Variants in ZFAND6 observed in about 807,000 individuals in gnomAD.
The protein encoded by ZFAND6 is AN1-type zinc finger protein 6.
In ZFAND6, 12 loss-of-function variants were observed where a neutral mutation model predicts 24.5. The observed-to-expected ratio is 0.49, with a 90% CI of 0.31 to 0.79. The LOEUF (loss-of-function observed/expected upper bound fraction) is 0.79. ZFAND6 is among the 30% of genes least tolerant of loss of function. The pLI, the probability that ZFAND6 is intolerant of heterozygous loss-of-function variation, is 0.04. For synonymous variants in ZFAND6, 92 were observed against 81.5 expected (o/e 1.13, Z -0.69); for missense variants, 207 against 245.9 (o/e 0.84, Z 1.06).
At chr15:80,059,286 T>C (rs2036197301), upstream of ZFAND6, among the ~76,000 whole-genome samples, 1 of 152,228 alleles carries the variant, frequency 6.6e-6, no homozygotes, top group Admixed American at 6.5e-5. Flanking sequence ...CGCCATTCCC[T>C]GCGAGGTGGC....
In ZFAND6 at chr15:80,122,706, A is replaced by T. The variant is rs112075519; in HGVS notation, c.270A>T (p.Val90=). The T allele has an allele frequency of 1.5e-5, 25 of 1,613,134 alleles. No individual in the cohort carries two copies. Among genetic ancestry groups the T allele is most frequent in the Non-Finnish European group, 1.8e-5 (21 of 1,179,460 alleles). Residue 90 remains valine, a synonymous_variant, in exon 5 of 7, where the codon GTA becomes GTT. Transcript: ENST00000261749. Reference sequence around the variant, plus strand: ...AAATATTTTGCTTTTCTAGCCCTGTATCAAATCAGTCACTTTTATCAGAAT... The same window carrying T: ...AAATATTTTGCTTTTCTAGCCCTGTTTCAAATCAGTCACTTTTATCAGAAT... ...STSSSMQPSP[V]SNQSLLSESV...
In ZFAND6 at chr15:80,087,572, A is replaced by T. The variant is rs1161820895; in HGVS notation, c.-180-10844A>T. On this transcript the variant is annotated intron_variant, in intron 1 of 6. Transcript: ENST00000261749. ...TTGTTTCATTCTCTCCTCTAGCTTCAGTTCCCTCTTCAATCACTTTTCTTC... is the reference window on the plus strand; with the variant it reads ...TTGTTTCATTCTCTCCTCTAGCTTCTGTTCCCTCTTCAATCACTTTTCTTC... Among the ~76,000 whole-genome samples, 3 of 152,110 alleles carry T rather than the reference A, an allele frequency of 2.0e-5. No individual in the cohort carries two copies. In the East Asian group the frequency reaches 5.8e-4, roughly 29 times the overall value.
intron 1 of ZFAND6, among the ~76,000 whole-genome samples, chr15:80,067,536 C>G (rs1596179117): frequency 6.6e-6 from 1 of 152,004 alleles, no homozygotes; most frequent in Non-Finnish European, 1.5e-5. Flanking sequence ...TCTATTTCTT[C>G]TTCCAGAACC....
intron 2 of ZFAND6, chr15:80,112,724 G>A (rs2039672177): frequency 2.2e-6 from 1 of 454,384 alleles, no homozygotes; most frequent in Admixed American, 2.4e-5. Flanking sequence ...CTGCAAAAAG[G>A]TTACTGCTGC....
intron 2 of ZFAND6, among the ~76,000 whole-genome samples, chr15:80,102,168 A>C (rs1053322522): frequency 1.3e-5 from 2 of 150,532 alleles, no homozygotes; most frequent in Admixed American, 6.7e-5. Context: ...TTTATTTTTG[A>C]GATGGAGTTT....
intron 2 of ZFAND6, among the ~76,000 whole-genome samples, chr15:80,111,276 C>T (rs1169814651): frequency 6.6e-6 from 1 of 152,088 alleles, no homozygotes; most frequent in Non-Finnish European, 1.5e-5. Flanking sequence ...GGGTGATGAA[C>T]ATATATCAGT....
intron 1 of ZFAND6, among the ~76,000 whole-genome samples, chr15:80,088,130 A>G (rs1433348840): frequency 6.6e-6 from 1 of 152,212 alleles, no homozygotes; most frequent in East Asian, 1.9e-4. Context: ...AATACCCTTT[A>G]TAGCTTTTTG....
intron 2 of ZFAND6, among the ~76,000 whole-genome samples, chr15:80,104,606 C>T (rs2039220309): frequency 6.6e-6 from 1 of 152,168 alleles, no homozygotes; most frequent in African/African-American, 2.4e-5. Flanking sequence ...TTGACCATAT[C>T]ATTTTGTGTT....
At chr15:80,120,764 C>G (rs2040111212) in intron 3 of ZFAND6, 1 of 218,736 alleles carries the variant, frequency 4.6e-6, no homozygotes, top group Non-Finnish European at 8.9e-6. Context: ...GGGGACACCT[C>G]AAGTGTCTTG....
intron 6 of ZFAND6, among the ~76,000 whole-genome samples, chr15:80,132,791 AAGAAG>A (rs1436794391): frequency 1.3e-5 from 2 of 152,210 alleles, no homozygotes; most frequent in Non-Finnish European, 2.9e-5. Flanking sequence ...TGCTCCCAAG[AAGAAG>A]AGAAAAGTCT....
chr15:80,084,637 A>G (rs1374249584), intron 1 of ZFAND6, among the ~76,000 whole-genome samples: 1 of 152,232 alleles, frequency 6.6e-6, no homozygotes, highest in Non-Finnish European at 1.5e-5. Context: ...AGTTTCCTTG[A>G]AAACAATACT....
At chr15:80,091,453 G>A (rs925271713) in intron 1 of ZFAND6, among the ~76,000 whole-genome samples, 5 of 152,014 alleles carry the variant, frequency 3.3e-5, no homozygotes, top group Admixed American at 6.6e-5. Flanking sequence ...AGGACCTTTC[G>A]TTCATTTGCT....
chr15:80,107,654 G>A (rs963277058), intron 2 of ZFAND6, among the ~76,000 whole-genome samples: 19 of 152,078 alleles, frequency 1.2e-4, no homozygotes, highest in African/African-American at 4.3e-4. Flanking sequence ...GTGAAACCCT[G>A]TCTCTCCTAA....
chr15:80,122,794 G>A lies in ZFAND6; in HGVS notation c.358G>A (p.Val120Met), dbSNP rs1223286792. Residue 120 changes from valine (V) to methionine (M), a missense_variant, in exon 5 of 7, where the codon GTG becomes ATG. Coordinates refer to ENST00000261749, the MANE Select transcript of ZFAND6 (RefSeq NM_019006.4). ...CAAAGCAGTACCTGAAACAGAAGATGTGCAGGGTTTGTATATGAACTAGCA... is the reference window on the plus strand; with the variant it reads ...CAAAGCAGTACCTGAAACAGAAGATATGCAGGGTTTGTATATGAACTAGCA... ...VDKAVPETED[V>M]QASVSDTAQQ... 2 of 1,611,048 alleles carry A rather than the reference G, an allele frequency of 1.2e-6. No homozygotes were observed. The highest frequency in any genetic ancestry group is 2.7e-5 in the African/African-American group (2 of 74,860).
chr15:80,077,533 A>G (rs1394574882), intron 1 of ZFAND6, among the ~76,000 whole-genome samples: 1 of 152,182 alleles, frequency 6.6e-6, no homozygotes, highest in Admixed American at 6.5e-5. Context: ...GTGGTAAAGG[A>G]AAAAGGTCAA....
At chr15:80,128,368 A>T (rs1178647101) in intron 5 of ZFAND6, among the ~76,000 whole-genome samples, 1 of 152,232 alleles carries the variant, frequency 6.6e-6, no homozygotes, top group Admixed American at 6.5e-5. Flanking sequence ...CTTTTGCTGG[A>T]GGATGACTTG....
At chr15:80,121,042 A>G (rs2903265) in intron 3 of ZFAND6, among the ~76,000 whole-genome samples, 103,624 of 152,000 alleles carry the variant, frequency 0.68, 35,722 homozygotes, top group Admixed American at 0.79. Flanking sequence ...CAGTAGTTGT[A>G]TAAGAAGGAT....
At chr15:80,064,456 C>T (rs2036501637) in intron 1 of ZFAND6, among the ~76,000 whole-genome samples, 1 of 151,992 alleles carries the variant, frequency 6.6e-6, no homozygotes, top group African/African-American at 2.4e-5. Flanking sequence ...GGATATTGGA[C>T]ATCTTCTAGT....
At chr15:80,124,780 A>G (rs2040302672) in intron 5 of ZFAND6, among the ~76,000 whole-genome samples, 1 of 152,200 alleles carries the variant, frequency 6.6e-6, no homozygotes, top group Non-Finnish European at 1.5e-5. Context: ...AAAACTTAGC[A>G]TTCGTAATAT....
Sources: allele counts gnomAD v4.1 joint callset (sites outside exome capture counted in the v4.1 genomes callset), GRCh38; gene constraint gnomAD v4.1.1; transcripts MANE v1.5; gene names NCBI Gene and HGNC (gene_info 2026-07-23, HGNC 2026-07-21).